Variants in USP25 observed in about 807,000 individuals in gnomAD.
USP25 encodes ubiquitin specific peptidase 25, also known as ubiquitin carboxyl-terminal hydrolase 25.
USP25 carries 85 observed loss-of-function variants against 158.5 expected under a neutral mutation model. That is an observed-to-expected ratio of 0.54 (90% CI 0.45 to 0.64). USP25 has a LOEUF of 0.64. USP25 is among the 30% of genes least tolerant of loss of function. The pLI is 0.00. For synonymous variants in USP25, 464 were observed against 460.4 expected (o/e 1.01, Z -0.10); for missense variants, 1,242 against 1,327.3 (o/e 0.94, Z 1.00).
intron 18 of USP25, among the ~76,000 whole-genome samples, chr21:15,844,574 A>G (rs1408725436): frequency 6.6e-6 from 1 of 152,104 alleles, no homozygotes; most frequent in African/African-American, 2.4e-5. Flanking sequence ...TATAAGAAAA[A>G]TTTCCTGGAA....
chr21:15,819,771 A>G (rs910968964), intron 10 of USP25, among the ~76,000 whole-genome samples: 1 of 152,114 alleles, frequency 6.6e-6, no homozygotes, highest in Non-Finnish European at 1.5e-5. Context: ...TTTGAGAACA[A>G]ATTGCTTTTG....
intron 3 of USP25, among the ~76,000 whole-genome samples, chr21:15,772,817 G>GT (rs2034433154): frequency 6.6e-6 from 1 of 152,150 alleles, no homozygotes; most frequent in Admixed American, 6.5e-5. Flanking sequence ...AATTTGGTAT[G>GT]TGAGGTATCT....
At chr21:15,804,544 C>G (rs2036284318) in intron 6 of USP25, among the ~76,000 whole-genome samples, 1 of 151,674 alleles carries the variant, frequency 6.6e-6, no homozygotes. Flanking sequence ...TAATATTAGT[C>G]TAATAATTAA....
At chr21:15,849,065 T>C (rs1242482434) in intron 19 of USP25, among the ~76,000 whole-genome samples, 1 of 152,176 alleles carries the variant, frequency 6.6e-6, no homozygotes, top group Non-Finnish European at 1.5e-5. Flanking sequence ...ACATGCTGGC[T>C]CTTGAAAATT....
In USP25 at chr21:15,818,768, T is replaced by C. The variant is rs968066450; in HGVS notation, c.1002T>C (p.His334=). 1.9e-6 allele frequency: 3 copies of C among 1,613,998 alleles called. No individual in the cohort carries two copies. The highest frequency in any genetic ancestry group is 2.5e-6 in the Non-Finnish European group (3 of 1,179,872). The change falls in exon 10 of 26, where the codon CAT becomes CAC. Residue 334 remains histidine, a synonymous_variant. Transcript: ENST00000400183. The stretch of plus-strand genomic sequence containing the variant: ...AGGTCAATGGGTTCAAAGATCTGCA[T>C]GAGTGCCTAGAAGCTGCAATGATTG... The part of the protein sequence containing the change: ...PLQVNGFKDL[H]ECLEAAMIEG...
At chr21:15,814,022 G>T (rs544768971) in intron 9 of USP25, among the ~76,000 whole-genome samples, 2 of 151,112 alleles carry the variant, frequency 1.3e-5, no homozygotes, top group African/African-American at 4.9e-5. Flanking sequence ...GGTCTTTCTC[G>T]TGCTATTCTT....
chr21:15,730,386 C>A lies in USP25; in HGVS notation c.-8C>A. On this transcript the variant is annotated 5_prime_UTR_variant, in exon 1 of 26. Transcript: ENST00000400183. ...ACCGCCGCCGCCGCCGCCGCCGCCG[C>A]GGGGGCCATGACCGTGGAGCAGAAC... 1 of 1,249,516 alleles carries A rather than the reference C, an allele frequency of 8.0e-7. No individual in the cohort carries two copies. Among genetic ancestry groups the A allele is most frequent in the South Asian group, 3.3e-5 (1 of 30,226 alleles). 77.4% of individuals were successfully genotyped at this position (1,249,516 alleles called of 1,614,324 possible). A position where few individuals can be genotyped will look rare whatever the true frequency, so the allele number is the denominator to read the frequency against.
rs1413304054 is a variant in USP25, at chr21:15,864,311, A to G, written c.2591A>G (p.Glu864Gly). Residue 864 changes from glutamate to glycine, a missense_variant, in exon 21 of 26, where the codon GAA becomes GGA. By Grantham distance (98) the Glu-to-Gly change is moderately conservative. Transcript: ENST00000400183. ...EYARLVKLAQEDTPPETDYRL... is the reference protein window; with the variant it reads ...EYARLVKLAQGDTPPETDYRL... The stretch of plus-strand genomic sequence containing the variant: ...GCAAGGTTGGTTAAGTTGGCCCAAG[A>G]AGACACCCCACCAGAAACCGATTAT... 4 of 1,611,810 alleles carry G rather than the reference A, an allele frequency of 2.5e-6. No homozygotes were observed. The highest frequency in any genetic ancestry group is 3.4e-6 in the Non-Finnish European group (4 of 1,179,406).
At chr21:15,748,735 T>C (rs2123291891) in intron 1 of USP25, among the ~76,000 whole-genome samples, 1 of 152,250 alleles carries the variant, frequency 6.6e-6, no homozygotes, top group Non-Finnish European at 1.5e-5. Context: ...TAACCAAAAC[T>C]ACAAAACTGG....
At chr21:15,778,145 A>G in intron 4 of USP25, 118 bp downstream of exon 4, 3 of 929,316 alleles carry the variant, frequency 3.2e-6, no homozygotes, top group African/African-American at 1.7e-5. Context: ...AACTAGTAAT[A>G]TGCTTGTGTA....
At chr21:15,849,712 T>C in intron 19 of USP25, 65 bp from the exon 20 acceptor site, 1 of 1,232,020 alleles carries the variant, frequency 8.1e-7, no homozygotes, top group Non-Finnish European at 1.1e-6. Context: ...GAGTTTCAGC[T>C]TGCATGTGAA....
chr21:15,878,139 TTGA>T, intron 25 of USP25, 148 bp downstream of exon 25: 2 of 1,077,044 alleles, frequency 1.9e-6, no homozygotes, highest in Non-Finnish European at 2.6e-6. Flanking sequence ...TTTTTCCATA[TTGA>T]TGAACTAAGC....
intron 7 of USP25, among the ~76,000 whole-genome samples, chr21:15,807,004 G>A (rs1003647209): frequency 6.6e-6 from 1 of 151,928 alleles, no homozygotes; most frequent in African/African-American, 2.4e-5. Context: ...GCTCACTGCA[G>A]CATCAGCCTC....
chr21:15,782,730 C>G (rs891700629), intron 4 of USP25, among the ~76,000 whole-genome samples: 3 of 152,104 alleles, frequency 2.0e-5, no homozygotes, highest in Admixed American at 1.3e-4. Context: ...AATCAGCACC[C>G]TAGGACCCAT....
chr21:15,758,348 A>T (rs943103817), intron 1 of USP25, among the ~76,000 whole-genome samples: 2 of 152,098 alleles, frequency 1.3e-5, no homozygotes, highest in Admixed American at 1.3e-4. Context: ...CATAATCCCC[A>T]TGTGTCATGG....
intron 10 of USP25, among the ~76,000 whole-genome samples, chr21:15,823,246 A>T (rs75611561): frequency 0.012 from 1,751 of 152,184 alleles, 34 homozygotes; most frequent in African/African-American, 0.041. Context: ...CTTTCTCTTT[A>T]AATACATATG....
chr21:15,754,945 T>C (rs575509266), intron 1 of USP25, among the ~76,000 whole-genome samples: 2 of 152,198 alleles, frequency 1.3e-5, no homozygotes, highest in South Asian at 2.1e-4. Context: ...AGGTTTCTTA[T>C]GGTAAGAGAA....
chr21:15,740,729 G>A (rs1336292160), intron 1 of USP25, among the ~76,000 whole-genome samples: 1 of 143,670 alleles, frequency 7.0e-6, no homozygotes, highest in East Asian at 2.1e-4. Flanking sequence ...TTTTTGTGGG[G>A]GCTAACCATA....
Position 15,870,680 on chromosome 21 carries a change from C to T in USP25, c.2885+533C>T, listed in dbSNP as rs567571000. 3.9e-5 allele frequency among the ~76,000 whole-genome samples: 6 copies of T among 152,268 alleles called. No homozygotes were observed. In the East Asian group the frequency reaches 1.2e-3, roughly 29 times the overall value. On this transcript the variant is annotated intron_variant, in intron 23 of 25. Coordinates refer to ENST00000400183, the MANE Select transcript of USP25 (RefSeq NM_001283041.3). ...GTTATTTACTAGTTTGCATGTATTT[C>T]TCCACATATTTCTTAATGCGTGTTG... is the stretch of plus-strand genomic sequence containing the variant.
Sources: allele counts gnomAD v4.1 joint callset (sites outside exome capture counted in the v4.1 genomes callset), GRCh38; gene constraint gnomAD v4.1.1; transcripts MANE v1.5; gene names NCBI Gene and HGNC (gene_info 2026-07-23, HGNC 2026-07-21).